PSMA7: variants seen among roughly 807,000 people sequenced by gnomAD.
PSMA7 encodes proteasome subunit alpha type-7.
Under a neutral mutation model 31.3 loss-of-function variants are expected in PSMA7, and 5 were observed. The ratio of observed to expected loss-of-function variants is 0.16; its 90% CI spans 0.08 to 0.34. PSMA7 has a LOEUF of 0.34. PSMA7 is among the 10% of genes least tolerant of loss of function. The pLI, the probability that PSMA7 is intolerant of heterozygous loss-of-function variation, is 1.00. For missense variants in PSMA7, 217 were observed against 327.5 expected (o/e 0.66, Z 2.60); for synonymous variants, 155 against 121.9 (o/e 1.27, Z -1.79).
chr20:62,142,897 C>T (rs1432311729), intron 1 of PSMA7, among the ~76,000 whole-genome samples: 1 of 150,754 alleles, frequency 6.6e-6, no homozygotes, highest in South Asian at 2.1e-4. Flanking sequence ...ACGCGCCCGG[C>T]CGGGGCCAGG....
At chr20:62,140,037 C>T in intron 2 of PSMA7, 132 bp from the exon 3 acceptor site, 2 of 1,236,568 alleles carry the variant, frequency 1.6e-6, no homozygotes, top group Non-Finnish European at 2.2e-6. Context: ...AACTGACTGG[C>T]AGCGGAACCT....
intron 2 of PSMA7, 98 bp downstream of exon 2, chr20:62,140,720 T>G: frequency 7.0e-7 from 1 of 1,422,074 alleles, no homozygotes; most frequent in Non-Finnish European, 9.6e-7. Flanking sequence ...ACTCAGTTTA[T>G]ATGGCTCACA....
In PSMA7 at chr20:62,139,804, G is replaced by A. The variant is rs1458403675; in HGVS notation, c.325C>T (p.Arg109Cys). 5.6e-6 allele frequency: 9 copies of A among 1,613,970 alleles called. No homozygotes were observed. Among genetic ancestry groups the A allele is most frequent in the Admixed American group, 1.7e-5 (1 of 60,010 alleles). ...EDPVTVEYITRYIASLKQRYT... is the reference protein window; with the variant it reads ...EDPVTVEYITCYIASLKQRYT... ...ACCTGCTTCAGACTGGCGATGTAGC[G>A]GGTGATGTACTCCACAGTGACCGGG... The change falls in exon 3 of 7, where the codon CGC (arginine) becomes TGC (cysteine). Residue 109 changes from arginine to cysteine, a missense_variant. Coordinates refer to ENST00000370873, the MANE Select transcript of PSMA7 (RefSeq NM_002792.4).
At chr20:62,139,957 G>A in intron 2 of PSMA7, 52 bp from the exon 3 acceptor site, 1 of 1,592,726 alleles carries the variant, frequency 6.3e-7, no homozygotes, top group Non-Finnish European at 8.6e-7. Flanking sequence ...AAACTACAGG[G>A]TGGGGACAGA....
At chr20:62,137,681 CTCT>C (rs2056903655) in intron 5 of PSMA7, among the ~76,000 whole-genome samples, 1 of 152,216 alleles carries the variant, frequency 6.6e-6, no homozygotes, top group Non-Finnish European at 1.5e-5. Flanking sequence ...CCAGGCCCTC[CTCT>C]TGACACAGTG....
chr20:62,136,886 C>T lies in PSMA7; in HGVS notation c.718G>A (p.Glu240Lys), dbSNP rs1220326580. 3.1e-6 allele frequency: 5 copies of T among 1,598,524 alleles called. No homozygotes were observed. Among genetic ancestry groups the T allele is most frequent in the Non-Finnish European group, 4.3e-6 (5 of 1,174,574 alleles). ...AEIEKEKEEN[E>K]KKKQKKAS ...GATGCTTTCTTTTGTTTCTTCTTTTCGTTTTCTTCTTTTTCTTTTTCAATT... is the reference window on the plus strand; with the variant it reads ...GATGCTTTCTTTTGTTTCTTCTTTTTGTTTTCTTCTTTTTCTTTTTCAATT... The change falls in exon 7 of 7, where the codon GAA (glutamate) becomes AAA (lysine). Residue 240 changes from glutamate to lysine, a missense_variant. Transcript: ENST00000370873.
At chr20:62,138,572 G>C (rs1450751296) in intron 4 of PSMA7, among the ~76,000 whole-genome samples, 1 of 91,304 alleles carries the variant, frequency 1.1e-5, no homozygotes, top group Non-Finnish European at 2.3e-5. Context: ...TTTTTTTTTT[G>C]AGGTAGAGTT....
chr20:62,137,214 C>CT, intron 6 of PSMA7, 150 bp downstream of exon 6: 1 of 936,058 alleles, frequency 1.1e-6, no homozygotes, highest in Non-Finnish European at 1.7e-6. Flanking sequence ...GGAATCTTCT[C>CT]TTTGACGTAT....
chr20:62,139,980 G>C, intron 2 of PSMA7, 75 bp from the exon 3 acceptor site: 1 of 1,534,160 alleles, frequency 6.5e-7, no homozygotes, highest in African/African-American at 1.4e-5. Flanking sequence ...CGATGACCCA[G>C]CATTTAACCT....
intron 5 of PSMA7, 64 bp from the exon 6 acceptor site, chr20:62,137,490 A>G: frequency 4.7e-6 from 7 of 1,504,460 alleles, no homozygotes; most frequent in Non-Finnish European, 6.5e-6. Context: ...AGCAGCTCTC[A>G]GGAGTACCTT....
At chr20:62,141,843 T>C (rs1025134402) in intron 1 of PSMA7, among the ~76,000 whole-genome samples, 5 of 152,204 alleles carry the variant, frequency 3.3e-5, no homozygotes, top group African/African-American at 9.6e-5. Context: ...ATTAAAAGCA[T>C]GAACAATCAC....
chr20:62,141,181 C>A (rs961519695), intron 1 of PSMA7, among the ~76,000 whole-genome samples: 1 of 152,152 alleles, frequency 6.6e-6, no homozygotes, highest in South Asian at 2.1e-4. Context: ...GTGGGAGGAT[C>A]GCTAGAGCCT....
Position 62,140,204 on chromosome 20 carries a change from G to A in PSMA7, c.224-299C>T, listed in dbSNP as rs568638931. ...TGTAAATAAAAAATTGTAGGCTGCC[G>A]TGCAGAATCTGGATTTTTAAAAACA... On this transcript the variant is annotated intron_variant, in intron 2 of 6. Transcript: ENST00000370873. 1.1e-4 allele frequency among the ~76,000 whole-genome samples: 16 copies of A among 152,330 alleles called. No homozygotes were observed. In the East Asian group the frequency reaches 2.1e-3, roughly 20 times the overall value.
rs866858930 is a variant in PSMA7, at chr20:62,143,288, C to T, written c.16G>A (p.Ala6Thr). 2 of 1,467,146 alleles carry T rather than the reference C, an allele frequency of 1.4e-6. No homozygotes were observed. Among genetic ancestry groups the T allele is most frequent in the South Asian group, 1.2e-5 (1 of 83,686 alleles). 90.9% of individuals were successfully genotyped at this position (1,467,146 alleles called of 1,614,324 possible). Residue 6 changes from alanine (A) to threonine (T), a missense_variant, in exon 1 of 7, where the codon GCC becomes ACC. By Grantham distance (58) the Ala-to-Thr change is moderately conservative. Around this residue, in one of 3 missense-constraint regions of PSMA7, gnomAD observed 76 missense variants for 96.5 expected, o/e 0.79. Coordinates refer to ENST00000370873, the MANE Select transcript of PSMA7 (RefSeq NM_002792.4). ...CCGTCGGGCGAGAAGACGGTGATGG[C>T]GCGGTCGTAGCTCATGCCGGCGGGC... Reference protein sequence around the residue: MSYDRAITVFSPDGHL... With the variant: MSYDRTITVFSPDGHL...
At chr20:62,137,581 C>A in intron 5 of PSMA7, 155 bp from the exon 6 acceptor site, 1 of 711,856 alleles carries the variant, frequency 1.4e-6, no homozygotes, top group East Asian at 2.6e-5. Flanking sequence ...GTCCTAAACT[C>A]ATGGCCATTT....
chr20:62,140,161 ACTAC>A (rs2145665266), intron 2 of PSMA7, among the ~76,000 whole-genome samples: 1 of 152,320 alleles, frequency 6.6e-6, no homozygotes, highest in African/African-American at 2.4e-5. Flanking sequence ...AAATGCATTT[ACTAC>A]CCCATAAACC....
At position 62,139,090 on chromosome 20, in the gene PSMA7, T is replaced by C. The variant is rs755843037; in HGVS notation, c.456A>G (p.Thr152=). 3.5e-5 allele frequency: 56 copies of C among 1,613,922 alleles called. 4 individuals are homozygous for C. In the South Asian group the frequency reaches 5.7e-4, roughly 16 times the overall value. ...ACGAACTCACCTTCCAGGCATGGTA[T>C]GTGCCCGAGGGGTCAGTCTGATAGA... ...PRLYQTDPSG[T]YHAWKANAIG... Residue 152 remains threonine (T), a synonymous_variant, in exon 4 of 7, where the codon ACA becomes ACG. Coordinates refer to ENST00000370873, the MANE Select transcript of PSMA7 (RefSeq NM_002792.4).
intron 1 of PSMA7, chr20:62,142,650 G>A (rs1178862390): frequency 6.6e-6 from 1 of 152,272 alleles, no homozygotes; most frequent in Non-Finnish European, 1.5e-5. Context: ...GACCTGGGAG[G>A]CGCCCGCCAC....
At chr20:62,140,730 A>G (rs2056922692) in intron 2 of PSMA7, 88 bp downstream of exon 2, 1 of 1,495,784 alleles carries the variant, frequency 6.7e-7, no homozygotes, top group South Asian at 1.2e-5. Context: ...TATGGCTCAC[A>G]ATAGCCCACA....
Sources: gnomAD v4.1 joint callset for allele counts (sites outside exome capture counted in the v4.1 genomes callset) on GRCh38, gnomAD v4.1.1 for gene constraint, gnomAD v4.1.1 regional missense constraint, MANE v1.5 for transcripts, NCBI Gene and HGNC (gene_info 2026-07-23, HGNC 2026-07-21) for gene names.